Variants in ARHGAP29 observed in about 807,000 individuals in gnomAD.
The protein encoded by ARHGAP29 is rho GTPase-activating protein 29.
A neutral mutation model predicts 122.6 loss-of-function variants in ARHGAP29; 43 were observed. That is an observed-to-expected ratio of 0.35 (90% CI 0.27 to 0.45). The LOEUF (loss-of-function observed/expected upper bound fraction) is 0.45, where lower values mean the gene tolerates loss of function less well. ARHGAP29 is among the 20% of genes least tolerant of loss of function. ARHGAP29 has a pLI of 1.00. For synonymous variants in ARHGAP29, 506 were observed against 497.1 expected, an observed-to-expected ratio of 1.02 and a Z score of -0.24; for missense variants, 1,303 against 1,477.2, an observed-to-expected ratio of 0.88 and a Z score of 1.93.
chr1:94,296,603 T>C, the ARHGAP29 span, among the ~76,000 whole-genome samples: 6 of 152,180 alleles, frequency 3.9e-5, no homozygotes, highest in African/African-American at 1.4e-4. Flanking sequence ...CTTCTTTCTC[T>C]CAAGTACCTT....
Position 94,196,504 on chromosome 1 carries a change from G to A in ARHGAP29, c.1281+5216C>T, listed in dbSNP as rs944147337. ...TCTCGATCTCCTGACCTCGTGATCC[G>A]CCCGCCTCGGCCTCCCAAAGTGCTG... On this transcript the variant is annotated intron_variant, in intron 12 of 22. Transcript: ENST00000260526. Among the ~76,000 whole-genome samples the A allele has an allele frequency of 3.3e-5, 5 of 151,350 alleles. No homozygotes were observed. In the East Asian group the frequency reaches 5.8e-4, roughly 18 times the overall value.
rs55712972 is a variant in ARHGAP29 at position 94,172,612 on chromosome 1, G to GAT, written c.*1255_*1256dup. 66,419 of 144,904 alleles carry GAT rather than the reference G, an allele frequency of 0.46. 15,900 individuals carry two copies. Among genetic ancestry groups the GAT allele is most frequent in the Middle Eastern group, 0.6 (166 of 278 alleles). The allele number at this position is 144,904 out of a possible 1,614,324, so 9.0% of individuals were successfully genotyped here. On this transcript the variant is annotated 3_prime_UTR_variant, in exon 23 of 23. Transcript: ENST00000260526. ...GGAACATGAAATAATTTAACAAGTT[G>GAT]ATATATATATATATATATATTATCA...
At chr1:94,206,166 A>G (rs1651173437) in intron 5 of ARHGAP29, among the ~76,000 whole-genome samples, 1 of 152,198 alleles carries the variant, frequency 6.6e-6, no homozygotes, top group Admixed American at 6.5e-5. Flanking sequence ...ACTGTCCAAT[A>G]AAGTAGCTAA....
At chr1:94,253,208 A>G (rs568431693) in intron 1 of ARHGAP29, among the ~76,000 whole-genome samples, 144 of 151,958 alleles carry the variant, frequency 9.5e-4, no homozygotes, top group Non-Finnish European at 9.9e-4. Flanking sequence ...TGAGCTAGTG[A>G]TCCGCCCATC....
upstream of ARHGAP29, among the ~76,000 whole-genome samples, chr1:94,278,692 A>G (rs1037298474): frequency 6.6e-6 from 1 of 152,206 alleles, no homozygotes; most frequent in African/African-American, 2.4e-5. Flanking sequence ...GGATGTCTTA[A>G]TTAGTTATTA....
chr1:94,214,489 T>A (rs1322566050), intron 3 of ARHGAP29, among the ~76,000 whole-genome samples: 1 of 152,196 alleles, frequency 6.6e-6, no homozygotes, highest in Non-Finnish European at 1.5e-5. Flanking sequence ...ACTTTCCACC[T>A]GCTATTTTCC....
At chr1:94,309,810 T>C in the ARHGAP29 span, among the ~76,000 whole-genome samples, 1 of 152,130 alleles carries the variant, frequency 6.6e-6, no homozygotes, top group African/African-American at 2.4e-5. Context: ...TATAGATAAG[T>C]TCAGGTCTCT....
In ARHGAP29 at chr1:94,174,401, T is replaced by C; in HGVS notation, c.3254A>G (p.Tyr1085Cys). 6.2e-7 allele frequency: 1 copy of C among 1,614,228 alleles called. No individual in the cohort carries two copies. Among genetic ancestry groups the C allele is most frequent in the East Asian group, 2.2e-5 (1 of 44,880 alleles). ...QTLQKIQDKQYEQNSLTAKTT... is the reference protein window; with the variant it reads ...QTLQKIQDKQCEQNSLTAKTT... Reference sequence around the variant, plus strand: ...CTTGGCAGTTAGGCTGTTTTGTTCATACTGTTTGTCCTGAATTTTCTGTAG... The same window carrying C: ...CTTGGCAGTTAGGCTGTTTTGTTCACACTGTTTGTCCTGAATTTTCTGTAG... The change falls in exon 23 of 23, where the codon TAT (tyrosine) becomes TGT (cysteine). Residue 1085 changes from tyrosine to cysteine, a missense_variant. This residue lies in a region of ARHGAP29 where 620 missense variants were observed against 651.2 expected (regional missense o/e 0.95). Coordinates refer to ENST00000260526, the MANE Select transcript of ARHGAP29 (RefSeq NM_004815.4).
chr1:94,237,140 G>T (rs1406287900), intron 1 of ARHGAP29, among the ~76,000 whole-genome samples: 1 of 152,180 alleles, frequency 6.6e-6, no homozygotes, highest in Non-Finnish European at 1.5e-5. Context: ...AATTACGATC[G>T]TCACCGTCTG....
intron 3 of ARHGAP29, among the ~76,000 whole-genome samples, chr1:94,210,832 G>A (rs1557864204): frequency 6.6e-6 from 1 of 150,524 alleles, no homozygotes; most frequent in Non-Finnish European, 1.5e-5. Flanking sequence ...GTGGCCAAGA[G>A]TTCAAGACTG....
At chr1:94,298,155 C>G in the ARHGAP29 span, among the ~76,000 whole-genome samples, 1 of 152,174 alleles carries the variant, frequency 6.6e-6, no homozygotes, top group East Asian at 1.9e-4. Flanking sequence ...ATCCTGAATA[C>G]ACTTTCATGG....
intron 5 of ARHGAP29, among the ~76,000 whole-genome samples, chr1:94,207,793 TATA>T (rs1651301246): frequency 6.6e-6 from 1 of 152,174 alleles, no homozygotes; most frequent in African/African-American, 2.4e-5. Context: ...CTGAGGTTTT[TATA>T]ATAATATAAG....
Position 94,185,491 on chromosome 1 carries a change from G to T in ARHGAP29, c.1781-10C>A, listed in dbSNP as rs773344215. 1.3e-6 allele frequency: 2 copies of T among 1,580,646 alleles called. No homozygotes were observed. The highest frequency in any genetic ancestry group is 8.6e-7 in the Non-Finnish European group (1 of 1,166,672). The stretch of plus-strand genomic sequence containing the variant: ...CCAAGGGAATTGGGTCCTTGCAAGA[G>T]AAATAATTTACAAAAATTGTAAAAT... On this transcript the variant is annotated splice_polypyrimidine_tract_variant and intron_variant, in intron 16 of 22. Coordinates refer to ENST00000260526, the MANE Select transcript of ARHGAP29 (RefSeq NM_004815.4).
chr1:94,182,696 T>C (rs900571556), intron 19 of ARHGAP29, among the ~76,000 whole-genome samples: 2 of 152,208 alleles, frequency 1.3e-5, no homozygotes, highest in Non-Finnish European at 2.9e-5. Context: ...TATCAACACT[T>C]ATGACATTTC....
chr1:94,174,885 T>C (rs375608407), intron 22 of ARHGAP29, 136 bp from the exon 23 acceptor site: 35 of 975,282 alleles, frequency 3.6e-5, no homozygotes, highest in African/African-American at 2.8e-4. Flanking sequence ...CAGTTACCTA[T>C]GTGGAGGAGT....
the ARHGAP29 span, among the ~76,000 whole-genome samples, chr1:94,291,929 C>T: frequency 6.6e-6 from 1 of 152,092 alleles, no homozygotes; most frequent in Non-Finnish European, 1.5e-5. Flanking sequence ...AATTTTGTGT[C>T]TTGGGGTTGC....
upstream of ARHGAP29, among the ~76,000 whole-genome samples, chr1:94,239,406 C>G (rs750883656): frequency 2.0e-5 from 3 of 152,052 alleles, no homozygotes; most frequent in Non-Finnish European, 4.4e-5. Context: ...GGAAGCATCA[C>G]TGACAAAATC....
At chr1:94,198,620 A>C (rs1650619126) in intron 12 of ARHGAP29, among the ~76,000 whole-genome samples, 1 of 152,220 alleles carries the variant, frequency 6.6e-6, no homozygotes, top group Non-Finnish European at 1.5e-5. Context: ...GATTAAATCT[A>C]ACACAACTTA....
Position 94,190,743 on chromosome 1 carries a change from G to A in ARHGAP29, c.1282-660C>T, listed in dbSNP as rs1032112874. 7 of 152,092 alleles carry A rather than the reference G, an allele frequency of 4.6e-5. 1 individual carries two copies. Among genetic ancestry groups the A allele is most frequent in the Non-Finnish European group, 1.0e-4 (7 of 68,036 alleles). The allele number at this position is 152,092 out of a possible 1,614,324, so 9.4% of individuals were successfully genotyped here. A position where few individuals can be genotyped will look rare whatever the true frequency, so the allele number is the denominator to read the frequency against. On this transcript the variant is annotated intron_variant, in intron 12 of 22. Transcript: ENST00000260526. Reference sequence around the variant, plus strand: ...ATGTTCACAAAAACCTAGGCTTTGGGTATATTACAGCAAACCGATGAGATA... The same window carrying A: ...ATGTTCACAAAAACCTAGGCTTTGGATATATTACAGCAAACCGATGAGATA...
Sources: gnomAD v4.1 joint callset for allele counts (sites outside exome capture counted in the v4.1 genomes callset) on GRCh38, gnomAD v4.1.1 for gene constraint, gnomAD v4.1.1 regional missense constraint, MANE v1.5 for transcripts, NCBI Gene and HGNC (gene_info 2026-07-23, HGNC 2026-07-21) for gene names.